Variants in PLB1 observed in about 807,000 individuals in gnomAD.
PLB1 encodes the protein phospholipase B1, membrane-associated.
Under a neutral mutation model 227.4 loss-of-function variants are expected in PLB1, and 242 were observed. That is an observed-to-expected ratio of 1.06 (90% confidence interval 0.96 to 1.18). PLB1 has a LOEUF of 1.18. Among genes scored for constraint, PLB1 ranks in the 50% most tolerant of loss-of-function variants. The pLI is 0.00. For missense variants in PLB1, 1,858 were observed against 1,816.3 expected (o/e 1.02, Z -0.42); for synonymous variants, 757 against 682.2 (o/e 1.11, Z -1.71).
chr2:28,539,107 A>C lies in PLB1; in HGVS notation c.627A>C (p.Arg209Ser), dbSNP rs985985874. The stretch of plus-strand genomic sequence containing the variant: ...TCTGTGTGTCCTCCTAGGTCCCCAG[A>C]GCATTTGTAAACCTGGTGGACCTCT... The part of the protein sequence containing the change: ...VLDYLQQEVP[R>S]AFVNLVDLSE... Residue 209 changes from arginine to serine, a missense_variant, in exon 11 of 58, where the codon AGA becomes AGC. Transcript: ENST00000327757. 6.2e-7 allele frequency: 1 copy of C among 1,613,376 alleles called. No homozygotes were observed. The highest frequency in any genetic ancestry group is 1.3e-5 in the African/African-American group (1 of 75,032).
intron 5 of PLB1, among the ~76,000 whole-genome samples, chr2:28,525,611 A>G (rs1174478810): frequency 6.6e-6 from 1 of 152,158 alleles, no homozygotes; most frequent in East Asian, 1.9e-4. Flanking sequence ...GGAACCATGC[A>G]GGGCTGGGGC....
chr2:28,534,892 T>C (rs1376572945), intron 9 of PLB1, among the ~76,000 whole-genome samples: 1 of 151,428 alleles, frequency 6.6e-6, no homozygotes, highest in Admixed American at 6.6e-5. Context: ...AAAAACAGTC[T>C]CAAGAAAAGC....
intron 43 of PLB1, among the ~76,000 whole-genome samples, chr2:28,608,675 C>T (rs1685020605): frequency 6.6e-6 from 1 of 152,222 alleles, no homozygotes; most frequent in Non-Finnish European, 1.5e-5. Context: ...AACCCCAGGG[C>T]AGCTGGCTGA....
chr2:28,625,400 C>T (rs1444232946), intron 50 of PLB1, among the ~76,000 whole-genome samples: 1 of 152,222 alleles, frequency 6.6e-6, no homozygotes, highest in Non-Finnish European at 1.5e-5. Flanking sequence ...CAAGAGGTGG[C>T]TTCCCAGAGC....
At position 28,633,078 on chromosome 2, in the gene PLB1, G is replaced by T. The variant is rs780936421; in HGVS notation, c.4098+39G>T. ...GGCCTGGTGGGCCTTGTCAAGGGGG[G>T]ATCTAAGGATATTGACACTCTGTCT... is the stretch of plus-strand genomic sequence containing the variant. On this transcript the variant is annotated intron_variant, in intron 56 of 57. Transcript: ENST00000327757. The T allele has an allele frequency of 2.6e-5, 40 of 1,530,292 alleles. No individual in the cohort carries two copies. The South Asian group carries it at 4.0e-4, about 15-fold the overall frequency. The allele number at this position is 1,530,292 out of a possible 1,614,324, so 94.8% of individuals were successfully genotyped here.
intron 16 of PLB1, 144 bp from the exon 17 acceptor site, chr2:28,552,784 G>GT (rs1307756903): frequency 4.5e-6 from 3 of 664,720 alleles, no homozygotes; most frequent in East Asian, 5.5e-5. Flanking sequence ...GGATATGAGT[G>GT]TTGAAGGAGA....
At chr2:28,557,592 G>T (rs1328818613) in intron 17 of PLB1, among the ~76,000 whole-genome samples, 3 of 152,154 alleles carry the variant, frequency 2.0e-5, no homozygotes, top group Non-Finnish European at 4.4e-5. Context: ...ACAGTCTAGT[G>T]TGCAATTTCC....
At chr2:28,503,021 A>C (rs1416040166) in intron 1 of PLB1, among the ~76,000 whole-genome samples, 1 of 151,996 alleles carries the variant, frequency 6.6e-6, no homozygotes, top group Admixed American at 6.5e-5. Context: ...AAATTTGTGT[A>C]TGGTTTTCTG....
chr2:28,568,884 G>C (rs1035755747), intron 20 of PLB1, among the ~76,000 whole-genome samples: 1 of 152,176 alleles, frequency 6.6e-6, no homozygotes, highest in African/African-American at 2.4e-5. Context: ...TCCTCCCTAT[G>C]ATATTCTTGC....
At chr2:28,515,886 G>T (rs944734315) in intron 1 of PLB1, among the ~76,000 whole-genome samples, 1 of 152,170 alleles carries the variant, frequency 6.6e-6, no homozygotes, top group East Asian at 1.9e-4. Context: ...TCAAAATTAT[G>T]TAACAACATT....
chr2:28,579,330 G>A (rs1679522071), intron 22 of PLB1, among the ~76,000 whole-genome samples: 2 of 152,170 alleles, frequency 1.3e-5, no homozygotes, highest in East Asian at 3.8e-4. Flanking sequence ...TGCTGGAGAT[G>A]GAGGAACAGA....
At chr2:28,504,619 T>A (rs1320924511) in intron 1 of PLB1, among the ~76,000 whole-genome samples, 7 of 151,996 alleles carry the variant, frequency 4.6e-5, no homozygotes, top group Non-Finnish European at 2.9e-5. Flanking sequence ...GGTGTGTGCC[T>A]GTAGTCCCGA....
At chr2:28,548,352 G>A (rs1424985259) in intron 14 of PLB1, 1 of 303,884 alleles carries the variant, frequency 3.3e-6, no homozygotes, top group African/African-American at 2.2e-5. Context: ...TCCTGTCTAA[G>A]GGAACTTGAA....
At chr2:28,618,712 TC>T (rs1229563495) in intron 46 of PLB1, among the ~76,000 whole-genome samples, 2 of 152,136 alleles carry the variant, frequency 1.3e-5, no homozygotes, top group African/African-American at 2.4e-5. Context: ...CTGCCTGCCT[TC>T]ATCAGGGGAC....
intron 19 of PLB1, 82 bp from the exon 20 acceptor site, chr2:28,566,714 G>T: frequency 6.8e-7 from 1 of 1,476,058 alleles, no homozygotes; most frequent in Non-Finnish European, 9.5e-7. Flanking sequence ...TCGGGAGACG[G>T]GCGTTTCTGG....
At chr2:28,585,566 C>A in intron 25 of PLB1, 195 bp from the exon 26 acceptor site, 1 of 541,656 alleles carries the variant, frequency 1.8e-6, no homozygotes, top group Non-Finnish European at 3.4e-6. Flanking sequence ...CGTGAGCCAC[C>A]GCGCCTGGCC....
intron 35 of PLB1, among the ~76,000 whole-genome samples, chr2:28,599,673 G>A (rs1881250): frequency 6.6e-6 from 1 of 152,066 alleles, no homozygotes; most frequent in African/African-American, 2.4e-5. Flanking sequence ...CTGGAATGCA[G>A]TGGCACAATC....
At chr2:28,639,651 C>G (rs138131152) in intron 56 of PLB1, among the ~76,000 whole-genome samples, 1 of 152,204 alleles carries the variant, frequency 6.6e-6, no homozygotes, top group East Asian at 1.9e-4. Context: ...CTTGTAATCA[C>G]GATCATCTTC....
chr2:28,545,882 G>A (rs1010310831), intron 14 of PLB1, among the ~76,000 whole-genome samples: 5 of 152,092 alleles, frequency 3.3e-5, no homozygotes, highest in Non-Finnish European at 5.9e-5. Context: ...ATGATCACAG[G>A]GAGTCCAGGT....
Sources: allele counts gnomAD v4.1 joint callset (sites outside exome capture counted in the v4.1 genomes callset), GRCh38; gene constraint gnomAD v4.1.1; transcripts MANE v1.5; gene names NCBI Gene and HGNC (gene_info 2026-07-23, HGNC 2026-07-21).